SYNDIG1: variants seen among roughly 807,000 people sequenced by gnomAD.
The protein encoded by SYNDIG1 is synapse differentiation inducing 1.
Under a neutral mutation model 19.4 loss-of-function variants are expected in SYNDIG1, and 9 were observed. That is an observed-to-expected ratio of 0.46 (90% CI 0.28 to 0.81). The LOEUF is 0.81. SYNDIG1 is among the 30% of genes least tolerant of loss of function. The pLI, the probability that SYNDIG1 is intolerant of heterozygous loss-of-function variation, is 0.12. For synonymous variants in SYNDIG1, 141 were observed against 145.9 expected, an observed-to-expected ratio of 0.97 and a Z score of 0.24; for missense variants, 311 against 343.3, an observed-to-expected ratio of 0.91 and a Z score of 0.74.
chr20:24,636,672 C>T (rs1375199489), intron 3 of SYNDIG1, among the ~76,000 whole-genome samples: 1 of 152,184 alleles, frequency 6.6e-6, no homozygotes, highest in Admixed American at 6.5e-5. Context: ...CCTGCCTGGC[C>T]ACCATGTAGC....
chr20:24,603,237 T>C (rs1454629033), intron 3 of SYNDIG1, among the ~76,000 whole-genome samples: 1 of 152,036 alleles, frequency 6.6e-6, no homozygotes, highest in Non-Finnish European at 1.5e-5. Context: ...CCAAAAAGTG[T>C]CCGGAGTTGG....
chr20:24,478,101 G>T (rs1391992214), intron 1 of SYNDIG1, among the ~76,000 whole-genome samples: 1 of 152,226 alleles, frequency 6.6e-6, no homozygotes, highest in Non-Finnish European at 1.5e-5. Context: ...TGCTCTTCAG[G>T]TCTGGATGAA....
chr20:24,575,314 G>A (rs900641368), intron 2 of SYNDIG1, among the ~76,000 whole-genome samples: 3 of 152,226 alleles, frequency 2.0e-5, no homozygotes, highest in African/African-American at 7.2e-5. Flanking sequence ...GAAATAGGAC[G>A]GAGGTGATCC....
intron 1 of SYNDIG1, among the ~76,000 whole-genome samples, chr20:24,536,726 C>T (rs943448167): frequency 3.9e-5 from 6 of 152,104 alleles, no homozygotes; most frequent in African/African-American, 9.7e-5. Context: ...TGGTCTCAGG[C>T]CCCCCATGTC....
At chr20:24,569,532 G>A (rs1568649834) in intron 2 of SYNDIG1, among the ~76,000 whole-genome samples, 1 of 152,150 alleles carries the variant, frequency 6.6e-6, no homozygotes, top group African/African-American at 2.4e-5. Context: ...GTCTCAGCTA[G>A]GAAGGGGTAG....
intron 3 of SYNDIG1, among the ~76,000 whole-genome samples, chr20:24,589,501 T>C (rs375610221): frequency 5.3e-5 from 8 of 152,222 alleles, no homozygotes; most frequent in African/African-American, 1.9e-4. Context: ...AAAGCCTGTC[T>C]GAGCATGGTG....
At chr20:24,505,839 A>G (rs941053409) in intron 1 of SYNDIG1, among the ~76,000 whole-genome samples, 1 of 151,944 alleles carries the variant, frequency 6.6e-6, no homozygotes, top group African/African-American at 2.4e-5. Context: ...TCCTGACAAT[A>G]GAGACATGCC....
At chr20:24,503,808 A>G (rs1384952639) in intron 1 of SYNDIG1, among the ~76,000 whole-genome samples, 1 of 152,156 alleles carries the variant, frequency 6.6e-6, no homozygotes, top group Non-Finnish European at 1.5e-5. Context: ...CTTCACAAGA[A>G]CACAGGCTTC....
At position 24,557,747 on chromosome 20, in the gene SYNDIG1, G is replaced by A. The variant is rs544120815; in HGVS notation, c.480+14170G>A. On this transcript the variant is annotated intron_variant, in intron 2 of 3. Coordinates refer to ENST00000376862, the MANE Select transcript of SYNDIG1 (RefSeq NM_024893.3). The stretch of plus-strand genomic sequence containing the variant: ...GGTGCCTCCCAGTTAGGCTGCTCGG[G>A]GGTCAGGGGTCAGGGACCCACTTGA... Among the ~76,000 whole-genome samples the A allele has an allele frequency of 7.2e-5, 11 of 152,242 alleles. No individual in the cohort carries two copies. In the South Asian group the frequency reaches 1.5e-3, roughly 20 times the overall value.
At chr20:24,616,368 C>T (rs2058932301) in intron 3 of SYNDIG1, among the ~76,000 whole-genome samples, 1 of 152,244 alleles carries the variant, frequency 6.6e-6, no homozygotes, top group Admixed American at 6.5e-5. Context: ...GGCCTTTCAC[C>T]AAGGCCTTTC....
chr20:24,587,365 C>T (rs973654792), intron 3 of SYNDIG1, among the ~76,000 whole-genome samples: 1 of 152,150 alleles, frequency 6.6e-6, no homozygotes, highest in Non-Finnish European at 1.5e-5. Context: ...TGTCTGCATC[C>T]GTCTCCAATC....
At chr20:24,492,379 G>A (rs1205744107) in intron 1 of SYNDIG1, among the ~76,000 whole-genome samples, 4 of 152,214 alleles carry the variant, frequency 2.6e-5, no homozygotes, top group African/African-American at 9.6e-5. Context: ...TCTGGTTCGA[G>A]ATCAGCTGCT....
intron 3 of SYNDIG1, among the ~76,000 whole-genome samples, chr20:24,599,518 T>C (rs2147115021): frequency 6.6e-6 from 1 of 152,226 alleles, no homozygotes; most frequent in East Asian, 1.9e-4. Flanking sequence ...TTATATCAAA[T>C]AAATACCTAC....
chr20:24,542,885 T>C (rs1387687574), intron 1 of SYNDIG1, 135 bp from the exon 2 acceptor site: 5 of 688,426 alleles, frequency 7.3e-6, no homozygotes, highest in Non-Finnish European at 9.4e-6. Context: ...TAGGTAGGAC[T>C]GCATTTTATC....
chr20:24,555,248 A>G (rs2057789820), intron 2 of SYNDIG1, among the ~76,000 whole-genome samples: 1 of 152,148 alleles, frequency 6.6e-6, no homozygotes, highest in Admixed American at 6.5e-5. Context: ...ATCCTTTCAA[A>G]AAAACCAGCT....
At chr20:24,587,255 C>T (rs2058432281) in intron 3 of SYNDIG1, among the ~76,000 whole-genome samples, 1 of 152,154 alleles carries the variant, frequency 6.6e-6, no homozygotes, top group Non-Finnish European at 1.5e-5. Flanking sequence ...TTTCAGTGTG[C>T]TTTGAGAATG....
chr20:24,636,499 G>T (rs536865739), intron 3 of SYNDIG1, among the ~76,000 whole-genome samples: 11 of 152,316 alleles, frequency 7.2e-5, no homozygotes, highest in African/African-American at 2.4e-4. Context: ...CCAAAGATTG[G>T]TTGGACCAGG....
chr20:24,604,241 T>C (rs1467821668), intron 3 of SYNDIG1, among the ~76,000 whole-genome samples: 1 of 152,110 alleles, frequency 6.6e-6, no homozygotes, highest in Non-Finnish European at 1.5e-5. Context: ...GTCAGAGGCA[T>C]TTGAACCAGA....
chr20:24,529,605 T>C (rs2057199494), intron 1 of SYNDIG1, among the ~76,000 whole-genome samples: 1 of 152,242 alleles, frequency 6.6e-6, no homozygotes. Flanking sequence ...TCATAGAATA[T>C]TCCTATTTTC....
Sources: allele counts gnomAD v4.1 joint callset (sites outside exome capture counted in the v4.1 genomes callset), GRCh38; gene constraint gnomAD v4.1.1; transcripts MANE v1.5; gene names NCBI Gene and HGNC (gene_info 2026-07-23, HGNC 2026-07-21).